Variants in KLHL35 observed in about 807,000 individuals in gnomAD.
KLHL35 encodes kelch like family member 35, also known as kelch-like protein 35.
KLHL35 carries 50 observed loss-of-function variants against 44.0 expected under a neutral mutation model. The ratio of observed to expected loss-of-function variants is 1.14; its 90% confidence interval spans 0.91 to 1.44. The LOEUF (loss-of-function observed/expected upper bound fraction) is 1.44. Ranked by LOEUF, KLHL35 falls within the 40% of genes most tolerant of loss-of-function variation. The pLI, the probability that KLHL35 is intolerant of heterozygous loss-of-function variation, is 0.00. For missense variants in KLHL35, 1,049 were observed against 887.8 expected (o/e 1.18, Z -2.31); for synonymous variants, 470 against 410.4 (o/e 1.15, Z -1.76).
rs1332842348 is a variant in KLHL35, at chr11:75,423,712, C to A, written c.1543G>T (p.Ala515Ser). 19 of 1,613,694 alleles carry A rather than the reference C, an allele frequency of 1.2e-5. No homozygotes were observed. Among genetic ancestry groups the A allele is most frequent in the Non-Finnish European group, 1.4e-5 (17 of 1,179,756 alleles). ...CTTACCACAGGGCTGGGGAGGACAGCTGCCTCCCCCCACACATCTGTGCCT... is the reference window on the plus strand; with the variant it reads ...CTTACCACAGGGCTGGGGAGGACAGATGCCTCCCCCCACACATCTGTGCCT... ...DPGTDVWGEA[A>S]VLPSPVESCG... Residue 515 changes from alanine (A) to serine (S), a missense_variant, in exon 6 of 7, where the codon GCT becomes TCT. Transcript: ENST00000539798.
At position 75,423,676 on chromosome 11, in the gene KLHL35, T is replaced by G. The variant is rs1047488545; in HGVS notation, c.1563+16A>C. On this transcript the variant is annotated intron_variant, in intron 6 of 6. Coordinates refer to ENST00000539798, the MANE Select transcript of KLHL35 (RefSeq NM_001039548.3). The stretch of plus-strand genomic sequence containing the variant: ...AGAAGCGGGTTCCGCTCTCCTGCCT[T>G]GAAGCCTCCACTTACCACAGGGCTG... The G allele has an allele frequency of 2.5e-6, 4 of 1,611,294 alleles. No homozygotes were observed. Among genetic ancestry groups the G allele is most frequent in the Non-Finnish European group, 3.4e-6 (4 of 1,178,188 alleles).
intron 2 of KLHL35, among the ~76,000 whole-genome samples, chr11:75,429,027 A>G (rs1948513247): frequency 6.6e-6 from 1 of 152,206 alleles, no homozygotes; most frequent in African/African-American, 2.4e-5. Context: ...CTGGAATTCA[A>G]GCCCAGGTTT....
At chr11:75,430,928 A>T (rs576600177) in intron 1 of KLHL35, among the ~76,000 whole-genome samples, 9 of 152,266 alleles carry the variant, frequency 5.9e-5, no homozygotes, top group Non-Finnish European at 1.2e-4. Flanking sequence ...TAATCGGAGG[A>T]GGGTCTAATA....
rs778877895 is a variant in KLHL35 at position 75,429,907 on chromosome 11, G to T, written c.723C>A (p.His241Gln). 30 of 1,501,920 alleles carry T rather than the reference G, an allele frequency of 2.0e-5. No individual in the cohort carries two copies. Among genetic ancestry groups the T allele is most frequent in the Middle Eastern group, 2.1e-4 (1 of 4,842 alleles). 93.0% of individuals were successfully genotyped at this position (1,501,920 alleles called of 1,614,324 possible). ...RRGQLRRLLE[H>Q]VRLPLLAPAY... The stretch of plus-strand genomic sequence containing the variant: ...CGGGCGCCAGTAGCGGCAGGCGCAC[G>T]TGCTCCAGCAGGCGTCGCAGCTGGC... Residue 241 changes from histidine (H) to glutamine (Q), a missense_variant, in exon 2 of 7, where the codon CAC (histidine) becomes CAA (glutamine). Physicochemically the swap from His to Gln is conservative, Grantham distance 24. Coordinates refer to ENST00000539798, the MANE Select transcript of KLHL35 (RefSeq NM_001039548.3).
intron 1 of KLHL35, among the ~76,000 whole-genome samples, chr11:75,431,283 C>T (rs1192362353): frequency 3.3e-5 from 5 of 152,238 alleles, no homozygotes; most frequent in Admixed American, 6.5e-5. Flanking sequence ...CCCTGACAGA[C>T]AGCATCATAC....
chr11:75,425,425 C>A lies in KLHL35; in HGVS notation c.1342G>T (p.Gly448Cys), dbSNP rs894037397. Residue 448 changes from glycine to cysteine, a missense_variant, in exon 5 of 7, where the codon GGC becomes TGC. Coordinates refer to ENST00000539798, the MANE Select transcript of KLHL35 (RefSeq NM_001039548.3). ...GTGTTGACGCCGCCCTGCCTGGCGC[C>A]CCCAATCACGAAGAGCTTGCCCGCG... ...SCAGKLFVIG[G>C]ARQGGVNTDK... 2 of 1,567,296 alleles carry A rather than the reference C, an allele frequency of 1.3e-6. No individual in the cohort carries two copies. The highest frequency in any genetic ancestry group is 1.2e-5 in the South Asian group (1 of 86,356).
chr11:75,425,708 A>C, intron 4 of KLHL35, 127 bp from the exon 5 acceptor site: 1 of 871,454 alleles, frequency 1.1e-6, no homozygotes, highest in Non-Finnish European at 1.6e-6. Flanking sequence ...TCAGGACCAA[A>C]CTGACCCCCG....
At chr11:75,423,397 A>G (rs1421937513) in intron 6 of KLHL35, 2 of 367,628 alleles carry the variant, frequency 5.4e-6, no homozygotes, top group Admixed American at 8.5e-5. Context: ...CCTTCGGGGC[A>G]GGAGAGACCA....
chr11:75,427,735 G>A (rs1242849125), intron 3 of KLHL35, among the ~76,000 whole-genome samples: 6 of 152,164 alleles, frequency 3.9e-5, no homozygotes, highest in Admixed American at 2.6e-4. Flanking sequence ...TGAGTCCCCA[G>A]GGTTCCTTTC....
chr11:75,426,659 G>C lies in KLHL35; in HGVS notation c.1067-21C>G, dbSNP rs772110962. On this transcript the variant is annotated intron_variant, in intron 3 of 6. Coordinates refer to ENST00000539798, the MANE Select transcript of KLHL35 (RefSeq NM_001039548.3). ...GCCTCCTAGGGAGAGAGAAGCAGCTGTTGCCCATCGGCTCTCTTGCTATCC... is the reference window on the plus strand; with the variant it reads ...GCCTCCTAGGGAGAGAGAAGCAGCTCTTGCCCATCGGCTCTCTTGCTATCC... 36 of 1,514,418 alleles carry C rather than the reference G, an allele frequency of 2.4e-5. No homozygotes were observed. The Admixed American group carries it at 6.6e-4, about 28-fold the overall frequency. 93.8% of individuals were successfully genotyped at this position (1,514,418 alleles called of 1,614,324 possible).
chr11:75,428,742 C>T (rs1199079190), intron 2 of KLHL35, 116 bp from the exon 3 acceptor site: 9 of 886,344 alleles, frequency 1.0e-5, no homozygotes, highest in Middle Eastern at 3.4e-4. Flanking sequence ...GCCATCACCC[C>T]CGCCCACCCG....
chr11:75,429,617 G>A (rs1592039605), intron 2 of KLHL35, 132 bp downstream of exon 2: 6 of 1,173,062 alleles, frequency 5.1e-6, no homozygotes, highest in Non-Finnish European at 6.7e-6. Flanking sequence ...TATGGGCACC[G>A]AGCCTCTAAA....
chr11:75,428,692 G>C, intron 2 of KLHL35, 66 bp from the exon 3 acceptor site: 3 of 1,372,200 alleles, frequency 2.2e-6, no homozygotes, highest in Non-Finnish European at 2.0e-6. Context: ...TTACCCTCTC[G>C]ACCACACTGC....
chr11:75,430,495 C>G lies in KLHL35; in HGVS notation c.135G>C (p.Leu45=), dbSNP rs1460629541. 12 of 1,421,270 alleles carry G rather than the reference C, an allele frequency of 8.4e-6. No individual in the cohort carries two copies. Among genetic ancestry groups the G allele is most frequent in the Non-Finnish European group, 1.1e-5 (12 of 1,091,436 alleles). 88.0% of individuals were successfully genotyped at this position (1,421,270 alleles called of 1,614,324 possible). ...RRSGTLTDVV[L]RAGGRDFPCH... is the part of the protein sequence containing the mutation. ...ACGGAAAGTCGCGCCCGCCGGCGCG[C>G]AGCACCACGTCGGTGAGGGTGCCGC... Residue 45 remains leucine (L), a synonymous_variant, in exon 2 of 7, where the codon CTG becomes CTC. Transcript: ENST00000539798.
rs781262867 is a variant in KLHL35 at position 75,423,796 on chromosome 11, G to A, written c.1459C>T (p.Leu487Phe). ...FSQRCLEAVS[L>F]EDTIYVMGGL... is the part of the protein sequence containing the mutation. ...CCCATGACATAGATGGTGTCCTCAA[G>A]GGAGACAGCCTCGAGACACCGCTGT... The change falls in exon 6 of 7, where the codon CTT (leucine) becomes TTT (phenylalanine). Residue 487 changes from leucine (L) to phenylalanine (F), a missense_variant. By Grantham distance (22) the Leu-to-Phe change is conservative (BLOSUM62 0). Coordinates refer to ENST00000539798, the MANE Select transcript of KLHL35 (RefSeq NM_001039548.3). The A allele has an allele frequency of 5.6e-6, 9 of 1,613,696 alleles. No homozygotes were observed. The Admixed American group carries it at 1.0e-4, about 18-fold the overall frequency.
intron 3 of KLHL35, chr11:75,426,914 T>TGCCAGG: frequency 3.1e-6 from 1 of 322,898 alleles, no homozygotes; most frequent in South Asian, 3.9e-5. Flanking sequence ...GGTGGTGGTG[T>TGCCAGG]GCCAGGCTCT....
chr11:75,429,324 A>C (rs1011106052), intron 2 of KLHL35, among the ~76,000 whole-genome samples: 33 of 152,178 alleles, frequency 2.2e-4, no homozygotes, highest in African/African-American at 6.8e-4. Flanking sequence ...GGCATGATTA[A>C]GGGCTACTCT....
At chr11:75,428,377 AG>A in intron 3 of KLHL35, 64 bp downstream of exon 3, 2 of 1,560,276 alleles carry the variant, frequency 1.3e-6, no homozygotes. Flanking sequence ...GGAAAAGCAA[AG>A]GGGGTGGAGT....
Position 75,428,489 on chromosome 11 carries a change from C to T in KLHL35, c.1019G>A (p.Arg340His), listed in dbSNP as rs565424293. The T allele has an allele frequency of 6.2e-7, 1 of 1,612,486 alleles. No homozygotes were observed. Among genetic ancestry groups the T allele is most frequent in the South Asian group, 1.1e-5 (1 of 91,082 alleles). ...GAGAGCACAGGCGGCGAATTCTGAGCGAGTGTAGCCGGGCAGGCTGGGCAG... is the reference window on the plus strand; with the variant it reads ...GAGAGCACAGGCGGCGAATTCTGAGTGAGTGTAGCCGGGCAGGCTGGGCAG... ...TPLPSLPGYT[R>H]SEFAACALRN... The change falls in exon 3 of 7, where the codon CGC becomes CAC. Residue 340 changes from arginine (R) to histidine (H), a missense_variant. Transcript: ENST00000539798.
Sources: allele counts gnomAD v4.1 joint callset (sites outside exome capture counted in the v4.1 genomes callset), GRCh38; gene constraint gnomAD v4.1.1; transcripts MANE v1.5; gene names NCBI Gene and HGNC (gene_info 2026-07-23, HGNC 2026-07-21).